The following RTTN variants were observed in gnomAD, a reference collection of about 807,000 sequenced individuals.
RTTN encodes rotatin.
Under a neutral mutation model 269.2 loss-of-function variants are expected in RTTN, and 182 were observed. The observed-to-expected ratio is 0.68, with a 90% CI of 0.60 to 0.76. The LOEUF is 0.76. Ranked by LOEUF, RTTN falls within the 30% of genes least tolerant of loss-of-function variation. RTTN has a pLI of 0.00. For missense variants in RTTN, 2,545 were observed against 2,608.6 expected (o/e 0.98, Z 0.53); for synonymous variants, 1,006 against 963.5 (o/e 1.04, Z -0.82).
At chr18:70,051,754 C>G (rs1035872387) in intron 38 of RTTN, among the ~76,000 whole-genome samples, 2 of 152,090 alleles carry the variant, frequency 1.3e-5, no homozygotes. Flanking sequence ...TCCCCTCCAC[C>G]CTCCTGCATA....
chr18:70,100,288 T>A (rs2059123558), intron 28 of RTTN, among the ~76,000 whole-genome samples: 1 of 150,264 alleles, frequency 6.7e-6, no homozygotes, highest in Admixed American at 6.6e-5. Context: ...CTTGAAGACG[T>A]CCTTCACATC....
chr18:70,170,651 G>T (rs2061115156), intron 11 of RTTN, among the ~76,000 whole-genome samples: 1 of 152,174 alleles, frequency 6.6e-6, no homozygotes, highest in Admixed American at 6.5e-5. Flanking sequence ...GATCAGTTAA[G>T]GCTTTGGGTC....
intron 26 of RTTN, 75 bp downstream of exon 26, chr18:70,121,481 A>G (rs1329649081): frequency 2.4e-6 from 3 of 1,238,864 alleles, no homozygotes; most frequent in Admixed American, 2.6e-5. Flanking sequence ...ATCCTTTTCC[A>G]TAATATAATG....
chr18:70,011,867 G>A (rs2056382884), intron 46 of RTTN, among the ~76,000 whole-genome samples: 1 of 152,224 alleles, frequency 6.6e-6, no homozygotes, highest in South Asian at 2.1e-4. Flanking sequence ...ATTGGTTAGA[G>A]GGCAGCGTCT....
rs139216270 is a variant in RTTN at position 70,032,592 on chromosome 18, C to T, written c.5542-1611G>A. Among the ~76,000 whole-genome samples, 438 of 152,286 alleles carry T rather than the reference C, an allele frequency of 2.9e-3. 1 individual carries two copies. Among genetic ancestry groups the T allele is most frequent in the African/African-American group, 9.8e-3 (407 of 41,564 alleles). On this transcript the variant is annotated intron_variant, in intron 40 of 48. Transcript: ENST00000640769. ...ATAAAAAAGACAAAGAAGGGCATTA[C>T]AAATAGTAAAGGACTCAATTCAACA...
At chr18:70,060,282 G>A (rs1195342780) in intron 35 of RTTN, among the ~76,000 whole-genome samples, 4 of 151,816 alleles carry the variant, frequency 2.6e-5, no homozygotes, top group East Asian at 1.9e-4. Context: ...GGACATTGTC[G>A]TATGCAGAAG....
At chr18:70,179,447 A>G (rs1029361921) in intron 10 of RTTN, among the ~76,000 whole-genome samples, 5 of 152,244 alleles carry the variant, frequency 3.3e-5, no homozygotes, top group African/African-American at 9.6e-5. Context: ...TTCTATTTCC[A>G]ACATTTCTTC....
intron 36 of RTTN, among the ~76,000 whole-genome samples, chr18:70,058,998 T>C (rs1173477840): frequency 2.0e-5 from 3 of 152,150 alleles, no homozygotes; most frequent in Non-Finnish European, 4.4e-5. Flanking sequence ...ACATTTCAGA[T>C]GGTGTATGTT....
intron 34 of RTTN, among the ~76,000 whole-genome samples, chr18:70,071,172 T>G (rs2058285239): frequency 6.6e-6 from 1 of 152,158 alleles, no homozygotes; most frequent in African/African-American, 2.4e-5. Context: ...GGGACCTCAC[T>G]CCATGCCCTA....
At position 70,030,902 on chromosome 18, in the gene RTTN, C is replaced by G; in HGVS notation, c.5621G>C (p.Arg1874Thr). Residue 1874 changes from arginine (R) to threonine (T), a missense_variant, in exon 41 of 49, where the codon AGA becomes ACA. Transcript: ENST00000640769. ...TTTCAAAGCATGTTTCTGTGCTCTT[C>G]TACTGACAGCCAGCAGTGACATCAA... ...NALMSLLAVS[R>T]RAQKHALKAN... is the part of the protein sequence containing the mutation. 1 of 1,613,652 alleles carries G rather than the reference C, an allele frequency of 6.2e-7. No homozygotes were observed. Among genetic ancestry groups the G allele is most frequent in the African/African-American group, 1.3e-5 (1 of 75,058 alleles).
At chr18:70,105,166 G>A (rs534359753) in intron 28 of RTTN, among the ~76,000 whole-genome samples, 38 of 152,220 alleles carry the variant, frequency 2.5e-4, no homozygotes, top group Non-Finnish European at 4.4e-4. Flanking sequence ...CTTCCCGGCC[G>A]CTTTGATTAC....
At chr18:70,137,007 C>T (rs1344156186) in intron 21 of RTTN, among the ~76,000 whole-genome samples, 1 of 151,888 alleles carries the variant, frequency 6.6e-6, no homozygotes, top group Non-Finnish European at 1.5e-5. Context: ...CTGTAATATA[C>T]AGAATGAAAA....
At chr18:70,065,692 T>C in intron 35 of RTTN, 137 bp downstream of exon 35, 1 of 472,384 alleles carries the variant, frequency 2.1e-6, no homozygotes, top group Non-Finnish European at 3.8e-6. Flanking sequence ...GATATATTGG[T>C]TCTAAATGTA....
At chr18:70,077,001 A>G (rs1379999976) in intron 32 of RTTN, among the ~76,000 whole-genome samples, 1 of 151,970 alleles carries the variant, frequency 6.6e-6, no homozygotes, top group East Asian at 1.9e-4. Context: ...CAAACACCCA[A>G]GAGATTTGCA....
chr18:70,014,727 T>G (rs1272626209), intron 46 of RTTN, among the ~76,000 whole-genome samples: 5 of 152,200 alleles, frequency 3.3e-5, no homozygotes, highest in Admixed American at 2.6e-4. Context: ...AACTTATTTT[T>G]GACCCATCCA....
intron 11 of RTTN, among the ~76,000 whole-genome samples, chr18:70,176,242 T>G (rs2061296591): frequency 6.8e-6 from 1 of 146,568 alleles, no homozygotes; most frequent in Non-Finnish European, 1.5e-5. Context: ...TGTATATGTA[T>G]ATGTATATGT....
At chr18:70,069,387 T>C (rs899796919) in intron 34 of RTTN, among the ~76,000 whole-genome samples, 1 of 152,210 alleles carries the variant, frequency 6.6e-6, no homozygotes, top group Non-Finnish European at 1.5e-5. Context: ...ACTCAAATCT[T>C]GCTTATAAAA....
intron 8 of RTTN, among the ~76,000 whole-genome samples, chr18:70,191,676 A>C (rs1289543242): frequency 6.6e-6 from 1 of 152,214 alleles, no homozygotes; most frequent in African/African-American, 2.4e-5. Flanking sequence ...AGAGCCTCAA[A>C]ATTTTGTCTT....
rs147363744 is a variant in RTTN, at chr18:70,156,550, C to T, written c.1930-5817G>A. Among the ~76,000 whole-genome samples, 326 of 152,264 alleles carry T rather than the reference C, an allele frequency of 2.1e-3. 18 individuals are homozygous for T. In the East Asian group the frequency reaches 0.049, roughly 23 times the overall value. ...TGATATTCTATTACCTTGTGAAGCA[C>T]GTGATTTTTGTGACCCACACCCTAT... On this transcript the variant is annotated intron_variant, in intron 14 of 48. Transcript: ENST00000640769.
Sources: allele counts gnomAD v4.1 joint callset (sites outside exome capture counted in the v4.1 genomes callset), GRCh38; gene constraint gnomAD v4.1.1; transcripts MANE v1.5; gene names NCBI Gene and HGNC (gene_info 2026-07-23, HGNC 2026-07-21).